Variants in PUM2 observed in about 807,000 individuals in gnomAD.
PUM2 encodes the protein pumilio RNA binding family member 2, also known as pumilio homolog 2.
In PUM2, 57 loss-of-function variants were observed where a neutral mutation model predicts 124.5. That is an observed-to-expected ratio of 0.46 (90% CI 0.37 to 0.57). The LOEUF (loss-of-function observed/expected upper bound fraction) is 0.57. Among genes scored for constraint, PUM2 ranks in the 20% least tolerant of loss-of-function variants. PUM2 has a pLI of 0.00. For missense variants in PUM2, 1,065 were observed against 1,290.6 expected (o/e 0.83, Z 2.68); for synonymous variants, 460 against 446.1 (o/e 1.03, Z -0.39).
intron 7 of PUM2, among the ~76,000 whole-genome samples, chr2:20,303,922 T>C (rs1467313709): frequency 6.6e-6 from 1 of 152,240 alleles, no homozygotes; most frequent in Non-Finnish European, 1.5e-5. Flanking sequence ...TACTCTTACA[T>C]TCTTTGCACA....
intron 2 of PUM2, among the ~76,000 whole-genome samples, chr2:20,325,090 AAAG>A (rs1683349928): frequency 6.6e-6 from 1 of 152,184 alleles, no homozygotes; most frequent in Non-Finnish European, 1.5e-5. Flanking sequence ...AGAGAGAGGC[AAAG>A]AAGGAAATCC....
chr2:20,256,196 ATTATTACCTC>A lies in PUM2; in HGVS notation c.2485-36_2485-27del, dbSNP rs766438496. On this transcript the variant is annotated intron_variant, in intron 16 of 20. Transcript: ENST00000361078. ...CTGCAAAAGACAGGATGTCATTTAAATTATTACCTCAAACGAGAAAATACTAGTATATTTT... is the reference window on the plus strand; with the variant it reads ...CTGCAAAAGACAGGATGTCATTTAAAAAACGAGAAAATACTAGTATATTTT... 8 of 1,561,688 alleles carry A rather than the reference ATTATTACCTC, an allele frequency of 5.1e-6. No individual in the cohort carries two copies. The African/African-American group carries it at 9.8e-5, about 19-fold the overall frequency.
chr2:20,346,679 T>G (rs1179726190), intron 1 of PUM2, among the ~76,000 whole-genome samples: 2 of 152,142 alleles, frequency 1.3e-5, no homozygotes, highest in African/African-American at 2.4e-5. Context: ...TTTCCTCCAT[T>G]AGTGTATTTT....
At chr2:20,338,195 G>C (rs186659775) in intron 1 of PUM2, among the ~76,000 whole-genome samples, 1 of 152,048 alleles carries the variant, frequency 6.6e-6, no homozygotes, top group Non-Finnish European at 1.5e-5. Context: ...TCAGGAATTC[G>C]AGACCAGCCT....
At chr2:20,277,406 T>C (rs1029576572) in intron 13 of PUM2, among the ~76,000 whole-genome samples, 2 of 152,116 alleles carry the variant, frequency 1.3e-5, no homozygotes, top group Non-Finnish European at 1.5e-5. Context: ...AAAGTGGATC[T>C]TAGGGCTCCA....
intron 7 of PUM2, among the ~76,000 whole-genome samples, chr2:20,306,196 C>T (rs776190067): frequency 3.0e-4 from 46 of 152,088 alleles, no homozygotes; most frequent in Non-Finnish European, 5.7e-4. Context: ...AACAACAAGA[C>T]CTCCTTGTCA....
rs771805192 is a variant in PUM2, at chr2:20,318,585, T to C, written c.112A>G (p.Ile38Val). 1 of 1,613,834 alleles carries C rather than the reference T, an allele frequency of 6.2e-7. No individual in the cohort carries two copies. The highest frequency in any genetic ancestry group is 8.5e-7 in the Non-Finnish European group (1 of 1,179,932). ...DDSTKDGQKG[I>V]FLGDDEWRET... ...CTCCATTCATCATCCCCAAGAAATA[T>C]GCCTTTTTGTCCATCTTTTGTTGAA... The change falls in exon 3 of 21, where the codon ATA (isoleucine) becomes GTA (valine). Residue 38 changes from isoleucine (I) to valine (V), a missense_variant. Ile to Val is a conservative substitution (Grantham distance 29). Around this residue, in one of 3 missense-constraint regions of PUM2, gnomAD observed 90 missense variants for 103.6 expected, o/e 0.87. Coordinates refer to ENST00000361078, the MANE Select transcript of PUM2 (RefSeq NM_015317.5).
intron 1 of PUM2, among the ~76,000 whole-genome samples, chr2:20,334,245 A>G (rs985618247): frequency 6.6e-6 from 1 of 152,148 alleles, no homozygotes; most frequent in Non-Finnish European, 1.5e-5. Context: ...CTGGGAGGTC[A>G]AGACTGCAGT....
At chr2:20,257,043 C>CAAAAAAAAAAAAAAAAAAAAA (rs58072146) in intron 16 of PUM2, among the ~76,000 whole-genome samples, 1 of 71,798 alleles carries the variant, frequency 1.4e-5, no homozygotes, top group African/African-American at 5.9e-5. Flanking sequence ...GATTCCGTCT[C>CAAAAAAAAAAAAAAAAAAAAA]AAAAAAAAAA....
In PUM2 at chr2:20,290,771, C is replaced by T; in HGVS notation, c.1172G>A (p.Gly391Asp). ...CTGATTGGGAGTAAGAGGACGCTGA[C>T]CTGCTCCAGCACGGAGAACCTACAA... ...GQQQVLRAGA[G>D]QRPLTPNQGQ... is the part of the protein sequence containing the mutation. The change falls in exon 10 of 21, where the codon GGT becomes GAT. Residue 391 changes from glycine (G) to aspartate (D), a missense_variant. Physicochemically the swap from Gly to Asp is moderately conservative, Grantham distance 94. Transcript: ENST00000361078. The T allele has an allele frequency of 1.2e-6, 2 of 1,607,114 alleles. No individual in the cohort carries two copies. The highest frequency in any genetic ancestry group is 8.5e-7 in the Non-Finnish European group (1 of 1,178,012).
At chr2:20,318,740 GTTTT>G in intron 2 of PUM2, 95 bp from the exon 3 acceptor site, 1 of 756,832 alleles carries the variant, frequency 1.3e-6, no homozygotes, top group Non-Finnish European at 2.1e-6. Context: ...GTATACATTA[GTTTT>G]CAATGCTAAT....
chr2:20,350,449 C>T, intron 1 of PUM2, 148 bp downstream of exon 1: 1 of 979,134 alleles, frequency 1.0e-6, no homozygotes, highest in Non-Finnish European at 1.2e-6. Context: ...GCGAGCGGGC[C>T]CCAGGCCGCA....
At chr2:20,292,296 G>T (rs984501740) in intron 9 of PUM2, among the ~76,000 whole-genome samples, 5 of 138,362 alleles carry the variant, frequency 3.6e-5, no homozygotes, top group African/African-American at 5.3e-5. Flanking sequence ...ACAGTTGGTA[G>T]TTTTTTTTTT....
intron 1 of PUM2, among the ~76,000 whole-genome samples, chr2:20,337,982 C>T (rs1686471248): frequency 6.6e-6 from 1 of 152,124 alleles, no homozygotes; most frequent in Admixed American, 6.5e-5. Flanking sequence ...GCCACAATTT[C>T]CCTACCCTAA....
intron 3 of PUM2, 126 bp downstream of exon 3, chr2:20,318,411 G>T: frequency 1.3e-6 from 1 of 741,168 alleles, no homozygotes; most frequent in Non-Finnish European, 2.2e-6. Context: ...AGACCAGCCT[G>T]GGCAATAGCG....
At chr2:20,288,899 C>T (rs1456354592) in intron 10 of PUM2, among the ~76,000 whole-genome samples, 2 of 152,148 alleles carry the variant, frequency 1.3e-5, no homozygotes, top group Non-Finnish European at 2.9e-5. Context: ...CATACAAATA[C>T]AAATCCTAGT....
rs558527266 is a variant in PUM2, at chr2:20,254,149, C to A, written c.2871-135G>T. The A allele has an allele frequency of 2.3e-5, 18 of 780,758 alleles. No homozygotes were observed. The African/African-American group carries it at 3.0e-4, about 13-fold the overall frequency. 48.4% of individuals were successfully genotyped at this position (780,758 alleles called of 1,614,324 possible). Reference sequence around the variant, plus strand: ...ATGGGATTCTCTTGTCTTATGATTACTTTTATTTTATTTTGTTCTTTTTTT... The same window carrying A: ...ATGGGATTCTCTTGTCTTATGATTAATTTTATTTTATTTTGTTCTTTTTTT... On this transcript the variant is annotated intron_variant, in intron 19 of 20. Transcript: ENST00000361078.
chr2:20,318,510 A>G, intron 3 of PUM2, 27 bp downstream of exon 3: 1 of 1,548,314 alleles, frequency 6.5e-7, no homozygotes, highest in African/African-American at 1.4e-5. Flanking sequence ...TATATTCACA[A>G]TTCTCACACA....
chr2:20,350,583 G>A lies in PUM2; in HGVS notation c.-19+14C>T. On this transcript the variant is annotated intron_variant, in intron 1 of 20. Transcript: ENST00000361078. Reference sequence around the variant, plus strand: ...CCAAAGGACCGGAGAAAGAGCGAACGCGGACTGACTTACAGGGCTGCTGCG... The same window carrying A: ...CCAAAGGACCGGAGAAAGAGCGAACACGGACTGACTTACAGGGCTGCTGCG... 1.0e-6 allele frequency: 1 copy of A among 985,464 alleles called. No homozygotes were observed. The highest frequency in any genetic ancestry group is 1.2e-6 in the Non-Finnish European group (1 of 829,952). 61.0% of individuals were successfully genotyped at this position (985,464 alleles called of 1,614,324 possible).
Sources: gnomAD v4.1 joint callset for allele counts (sites outside exome capture counted in the v4.1 genomes callset) on GRCh38, gnomAD v4.1.1 for gene constraint, gnomAD v4.1.1 regional missense constraint, MANE v1.5 for transcripts, NCBI Gene and HGNC (gene_info 2026-07-23, HGNC 2026-07-21) for gene names.